Variants in PPP1R12B observed in about 807,000 individuals in gnomAD.
The protein encoded by PPP1R12B is myosin phosphatase target subunit 2.
A neutral mutation model predicts 126.1 loss-of-function variants in PPP1R12B; 76 were observed. The observed-to-expected ratio is 0.60, with a 90% CI of 0.50 to 0.73. The LOEUF (loss-of-function observed/expected upper bound fraction) is 0.73, where lower values mean the gene tolerates loss of function less well. Among genes scored for constraint, PPP1R12B ranks in the 30% least tolerant of loss-of-function variants. PPP1R12B has a pLI of 0.00. For synonymous variants in PPP1R12B, 356 were observed against 434.7 expected (o/e 0.82, Z 2.25); for missense variants, 1,052 against 1,205.1 (o/e 0.87, Z 1.88).
At chr1:202,495,764 C>T (rs1360726084) in intron 17 of PPP1R12B, 82 bp downstream of exon 17, 37 of 1,214,812 alleles carry the variant, frequency 3.0e-5, no homozygotes, top group Admixed American at 5.9e-5. Context: ...GAAAGAGTCC[C>T]GCATGGTGCC....
chr1:202,404,781 G>A (rs2248268), intron 1 of PPP1R12B, among the ~76,000 whole-genome samples: 15,151 of 152,248 alleles, frequency 0.1, 904 homozygotes, highest in Middle Eastern at 0.23. Flanking sequence ...GATTACAGGC[G>A]TGAGCCACCG....
chr1:202,397,969 T>C (rs1295569637), intron 1 of PPP1R12B, among the ~76,000 whole-genome samples: 1 of 152,206 alleles, frequency 6.6e-6, no homozygotes, highest in Non-Finnish European at 1.5e-5. Flanking sequence ...TGGAGTGCAG[T>C]GGTGCAATCT....
intron 1 of PPP1R12B, among the ~76,000 whole-genome samples, chr1:202,398,012 A>G (rs1262334840): frequency 2.6e-5 from 4 of 152,186 alleles, no homozygotes; most frequent in African/African-American, 9.7e-5. Context: ...CCTGGACTCA[A>G]GTGATTCTCC....
At chr1:202,492,351 G>A (rs953695571) in intron 14 of PPP1R12B, among the ~76,000 whole-genome samples, 40 of 152,270 alleles carry the variant, frequency 2.6e-4, no homozygotes, top group African/African-American at 8.2e-4. Flanking sequence ...CTGGGGGTGG[G>A]GAGGGGAAGC....
chr1:202,383,493 G>A (rs527921907), intron 1 of PPP1R12B, among the ~76,000 whole-genome samples: 7 of 152,162 alleles, frequency 4.6e-5, no homozygotes, highest in Non-Finnish European at 1.0e-4. Context: ...GGAGGCTGAG[G>A]CAGGGAGATC....
At chr1:202,471,217 T>G (rs969154994) in intron 13 of PPP1R12B, among the ~76,000 whole-genome samples, 3 of 152,248 alleles carry the variant, frequency 2.0e-5, no homozygotes, top group Non-Finnish European at 4.4e-5. Flanking sequence ...CACATCATTC[T>G]GAAACTTGCT....
chr1:202,473,796 C>T, intron 13 of PPP1R12B: 1 of 405,826 alleles, frequency 2.5e-6, no homozygotes, highest in Non-Finnish European at 5.2e-6. Flanking sequence ...TTGCCTCTGG[C>T]TTGCTGTATA....
Position 202,488,585 on chromosome 1 carries a change from C to T in PPP1R12B, c.1903C>T (p.Arg635Cys), listed in dbSNP as rs1157236837. Reference protein sequence around the residue: ...DEEAESLRKARSRQARQTRRS... With the variant: ...DEEAESLRKACSRQARQTRRS... ...GGAAGCAGAGTCTTTACGGAAAGCA[C>T]GCTCCAGACAAGCTCGGCAGACACG... The change falls in exon 14 of 24, where the codon CGC (arginine) becomes TGC (cysteine). Residue 635 changes from arginine to cysteine, a missense_variant. Transcript: ENST00000608999. 5.6e-6 allele frequency: 9 copies of T among 1,612,742 alleles called. No homozygotes were observed. The highest frequency in any genetic ancestry group is 1.3e-5 in the African/African-American group (1 of 74,872).
chr1:202,556,431 C>T (rs1392307691), intron 18 of PPP1R12B, among the ~76,000 whole-genome samples: 1 of 152,032 alleles, frequency 6.6e-6, no homozygotes, highest in Non-Finnish European at 1.5e-5. Context: ...TGTTCTGGCC[C>T]TGTAGGTACT....
intron 18 of PPP1R12B, among the ~76,000 whole-genome samples, chr1:202,506,040 A>G (rs568220315): frequency 6.6e-6 from 1 of 152,344 alleles, no homozygotes; most frequent in South Asian, 2.1e-4. Flanking sequence ...TTCCACGTGT[A>G]GAAAAGCAAG....
intron 18 of PPP1R12B, among the ~76,000 whole-genome samples, chr1:202,514,105 T>TA (rs1681841979): frequency 6.6e-6 from 1 of 152,236 alleles, no homozygotes; most frequent in Admixed American, 6.5e-5. Flanking sequence ...TTTCTTTTTT[T>TA]AACTTTTTAC....
At chr1:202,457,826 G>C (rs1445861302) in intron 13 of PPP1R12B, among the ~76,000 whole-genome samples, 13 of 152,034 alleles carry the variant, frequency 8.6e-5, no homozygotes, top group Non-Finnish European at 1.3e-4. Flanking sequence ...TGGTATTTGA[G>C]AGGAAACATG....
intron 7 of PPP1R12B, 151 bp from the exon 8 acceptor site, chr1:202,431,329 A>G: frequency 1.6e-6 from 1 of 609,166 alleles, no homozygotes; most frequent in East Asian, 3.3e-5. Context: ...TTAGTCTGCA[A>G]AAATGAAGGG....
intron 1 of PPP1R12B, among the ~76,000 whole-genome samples, chr1:202,401,720 T>C (rs1665873026): frequency 6.6e-6 from 1 of 152,186 alleles, no homozygotes; most frequent in Non-Finnish European, 1.5e-5. Flanking sequence ...GCTAAGAAAC[T>C]TAGCTGTGGA....
chr1:202,395,852 T>A (rs1664905940), intron 1 of PPP1R12B, among the ~76,000 whole-genome samples: 2 of 152,250 alleles, frequency 1.3e-5, no homozygotes, highest in Admixed American at 1.3e-4. Flanking sequence ...AACTCTGATT[T>A]CTCTGTGGTT....
chr1:202,549,386 A>G (rs978199332), intron 18 of PPP1R12B, among the ~76,000 whole-genome samples: 3 of 150,160 alleles, frequency 2.0e-5, no homozygotes, highest in East Asian at 2.0e-4. Context: ...TATGTACTAG[A>G]TGGTCTAACA....
intron 1 of PPP1R12B, among the ~76,000 whole-genome samples, chr1:202,400,342 A>AT (rs1481147963): frequency 6.6e-6 from 1 of 152,204 alleles, no homozygotes; most frequent in African/African-American, 2.4e-5. Flanking sequence ...TTAGTAAGTC[A>AT]TAGACTCTGC....
chr1:202,350,925 A>T (rs1655846684), intron 1 of PPP1R12B, among the ~76,000 whole-genome samples: 1 of 151,922 alleles, frequency 6.6e-6, no homozygotes, highest in Admixed American at 6.6e-5. Context: ...CTGGCCTAGT[A>T]ATCTATTGAA....
intron 18 of PPP1R12B, among the ~76,000 whole-genome samples, chr1:202,541,723 C>T (rs958178975): frequency 1.3e-5 from 2 of 152,138 alleles, no homozygotes; most frequent in African/African-American, 4.8e-5. Context: ...GTTTGGTGAC[C>T]TTCCCCCATT....
Sources: allele counts gnomAD v4.1 joint callset (sites outside exome capture counted in the v4.1 genomes callset), GRCh38; gene constraint gnomAD v4.1.1; transcripts MANE v1.5; gene names NCBI Gene and HGNC (gene_info 2026-07-23, HGNC 2026-07-21).